The following FGF14 variants were observed in gnomAD, a reference collection of about 807,000 sequenced individuals.
FGF14 encodes fibroblast growth factor homologous factor 4.
A neutral mutation model predicts 25.5 loss-of-function variants in FGF14; 5 were observed. The observed-to-expected ratio is 0.20, with a 90% CI of 0.10 to 0.41. FGF14 has a LOEUF of 0.41. Ranked by LOEUF, FGF14 falls within the 10% of genes least tolerant of loss-of-function variation. The pLI, the probability that FGF14 is intolerant of heterozygous loss-of-function variation, is 1.00. For missense variants in FGF14, 222 were observed against 320.1 expected (o/e 0.69, Z 2.34); for synonymous variants, 138 against 118.3 (o/e 1.17, Z -1.08).
intron 1 of FGF14, among the ~76,000 whole-genome samples, chr13:102,389,330 C>T (rs1031186888): frequency 4.6e-5 from 7 of 152,112 alleles, no homozygotes; most frequent in Admixed American, 3.9e-4. Flanking sequence ...TGTATACTAC[C>T]TTCTCAAAAC....
chr13:101,916,978 C>G (rs1414371509), upstream of FGF14, among the ~76,000 whole-genome samples: 1 of 151,752 alleles, frequency 6.6e-6, no homozygotes, highest in East Asian at 1.9e-4. Flanking sequence ...TCGCAGGAAC[C>G]CCGGCGGGGG....
chr13:101,913,612 T>C (rs754125856), intron 1 of FGF14, among the ~76,000 whole-genome samples: 23 of 152,340 alleles, frequency 1.5e-4, no homozygotes, highest in Non-Finnish European at 3.4e-4. Context: ...TACTTGACAA[T>C]GTGCTTAAAA....
intron 1 of FGF14, among the ~76,000 whole-genome samples, chr13:102,174,454 C>A (rs1200439564): frequency 6.6e-6 from 1 of 151,944 alleles, no homozygotes; most frequent in Non-Finnish European, 1.5e-5. Flanking sequence ...GAATGAGCCA[C>A]CGTGCCCAGC....
chr13:101,792,129 G>A (rs922084217), intron 3 of FGF14, among the ~76,000 whole-genome samples: 1 of 152,122 alleles, frequency 6.6e-6, no homozygotes, highest in Non-Finnish European at 1.5e-5. Context: ...TCTTAACAGT[G>A]TAGAGTTTAA....
At chr13:101,871,211 G>A (rs905438297) in intron 2 of FGF14, among the ~76,000 whole-genome samples, 6 of 152,120 alleles carry the variant, frequency 3.9e-5, no homozygotes, top group Non-Finnish European at 7.4e-5. Flanking sequence ...GCCTAGGGGA[G>A]TAAGAATAAT....
chr13:101,742,852 A>G (rs1161192409), intron 3 of FGF14, among the ~76,000 whole-genome samples: 1 of 152,130 alleles, frequency 6.6e-6, no homozygotes, highest in Non-Finnish European at 1.5e-5. Context: ...GGCCGAACTC[A>G]AAGTCATCCC....
chr13:102,285,259 C>T (rs138239914), intron 1 of FGF14, among the ~76,000 whole-genome samples: 1 of 152,006 alleles, frequency 6.6e-6, no homozygotes, highest in African/African-American at 2.4e-5. Context: ...CATTCTGCTT[C>T]GAAGTGAAGA....
At chr13:102,060,270 A>G (rs1387114578) in intron 1 of FGF14, among the ~76,000 whole-genome samples, 2 of 152,226 alleles carry the variant, frequency 1.3e-5, no homozygotes, top group South Asian at 2.1e-4. Flanking sequence ...TCACGCCTGT[A>G]ATCCCAGCAC....
intron 3 of FGF14, among the ~76,000 whole-genome samples, chr13:101,731,064 G>C (rs945543565): frequency 2.0e-5 from 3 of 152,066 alleles, no homozygotes; most frequent in African/African-American, 7.2e-5. Flanking sequence ...GTGGGTCAAG[G>C]GGCCACAGGG....
chr13:101,916,553 G>A lies in FGF14; in HGVS notation c.93C>T (p.Ser31=), dbSNP rs761693008. ...AGAGCCCGCGGTTCTTGCTGGGGCT[G>A]CTCCGCCTCCTGCTGGCAGACGGCC... is the stretch of plus-strand genomic sequence containing the variant. The part of the protein sequence containing the change: ...WDRPSASRRR[S]SPSKNRGLCN... The change falls in exon 1 of 5, where the codon AGC becomes AGT. Residue 31 remains serine, a synonymous_variant. Transcript: ENST00000376143. The A allele has an allele frequency of 1.9e-6, 3 of 1,613,098 alleles. No homozygotes were observed. Among genetic ancestry groups the A allele is most frequent in the Admixed American group, 1.7e-5 (1 of 60,000 alleles).
chr13:102,367,537 G>A (rs1291698759), intron 1 of FGF14: 1 of 151,740 alleles, frequency 6.6e-6, no homozygotes, highest in South Asian at 2.1e-4. Context: ...GAACAACAAG[G>A]GCATGAACCC....
intron 1 of FGF14, among the ~76,000 whole-genome samples, chr13:102,156,954 T>C (rs1234259436): frequency 6.6e-6 from 1 of 152,152 alleles, no homozygotes; most frequent in Admixed American, 6.6e-5. Flanking sequence ...TTACAAGGGA[T>C]GTGAAGGACC....
chr13:102,267,025 A>C lies in FGF14; in HGVS notation c.208+134446T>G, dbSNP rs1444269388. Reference sequence around the variant, plus strand: ...ACAAAAGAAGTCTTTCTTGAAATAAAAGACGATGAAGTTAAGGAATCACAC... The same window carrying C: ...ACAAAAGAAGTCTTTCTTGAAATAACAGACGATGAAGTTAAGGAATCACAC... On this transcript the variant is annotated intron_variant, in intron 1 of 4. Coordinates refer to the FGF14 transcript ENST00000376131. 2.0e-5 allele frequency among the ~76,000 whole-genome samples: 3 copies of C among 152,222 alleles called. No homozygotes were observed. The East Asian group carries it at 5.8e-4, about 29-fold the overall frequency.
In FGF14 at chr13:101,720,302, T is replaced by TA. The variant is rs2034884485; in HGVS notation, c.*2528dup. ...ACAAATAACAAGGACCCCTCTGCAA[T>TA]ATGTCTAAACATATATTAGAAGAAA... On this transcript the variant is annotated 3_prime_UTR_variant, in exon 5 of 5. Transcript: ENST00000376143. The TA allele has an allele frequency of 6.6e-6, 1 of 152,094 alleles. No individual in the cohort carries two copies. The highest frequency in any genetic ancestry group is 2.4e-5 in the African/African-American group (1 of 41,436). The allele number at this position is 152,094 out of a possible 1,614,324, so 9.4% of individuals were successfully genotyped here.
chr13:101,953,595 A>AT lies in FGF14; in HGVS notation c.209-78300dup, dbSNP rs1277764589. Among the ~76,000 whole-genome samples, 179 of 135,074 alleles carry AT rather than the reference A, an allele frequency of 1.3e-3. 2 individuals carry two copies. The highest frequency in any genetic ancestry group is 3.8e-3 in the Middle Eastern group (1 of 260). 88.6% of individuals were successfully genotyped at this position (135,074 alleles called of 152,430 possible). ...GTATATATATATATATATAATTTTTATTTTTTTTTTTTGAGATGGAGTTTT... is the reference window on the plus strand; with the variant it reads ...GTATATATATATATATATAATTTTTATTTTTTTTTTTTTGAGATGGAGTTTT... On this transcript the variant is annotated intron_variant, in intron 1 of 4. Coordinates refer to the FGF14 transcript ENST00000376131.
chr13:102,269,663 G>A (rs58724777), intron 1 of FGF14, among the ~76,000 whole-genome samples: 5,943 of 152,096 alleles, frequency 0.039, 393 homozygotes, highest in African/African-American at 0.13. Context: ...AGCTAGGACT[G>A]CCAGGCATGT....
At chr13:101,767,765 C>A (rs1164110177) in intron 3 of FGF14, among the ~76,000 whole-genome samples, 4 of 152,072 alleles carry the variant, frequency 2.6e-5, no homozygotes, top group African/African-American at 9.7e-5. Context: ...TATCTCTCTG[C>A]TACCCTGTTG....
At chr13:102,134,121 G>T (rs147049334) in intron 1 of FGF14, among the ~76,000 whole-genome samples, 93 of 152,268 alleles carry the variant, frequency 6.1e-4, no homozygotes, top group African/African-American at 2.2e-3. Context: ...AGACAAATAA[G>T]TTATAGTCCC....
At chr13:102,139,319 G>A (rs770180963) in intron 1 of FGF14, among the ~76,000 whole-genome samples, 16 of 151,840 alleles carry the variant, frequency 1.1e-4, no homozygotes, top group Non-Finnish European at 1.8e-4. Context: ...AAAATCACTC[G>A]AACCCAGGAG....
Sources: gnomAD v4.1 joint callset for allele counts (sites outside exome capture counted in the v4.1 genomes callset) on GRCh38, gnomAD v4.1.1 for gene constraint, MANE v1.5 for transcripts, NCBI Gene and HGNC (gene_info 2026-07-23, HGNC 2026-07-21) for gene names.